The following CCNH variants were observed in gnomAD, a reference collection of about 807,000 sequenced individuals.
CCNH encodes the protein cyclin-H.
In CCNH, 31 loss-of-function variants were observed where a neutral mutation model predicts 41.9. The observed-to-expected ratio is 0.74, with a 90% CI of 0.56 to 1.00. The LOEUF (loss-of-function observed/expected upper bound fraction) is 1.00, where lower values mean the gene tolerates loss of function less well. Ranked by LOEUF, CCNH falls within the 50% of genes least tolerant of loss-of-function variation. The pLI, the probability that CCNH is intolerant of heterozygous loss-of-function variation, is 0.00. For missense variants in CCNH, 362 were observed against 388.4 expected (o/e 0.93, Z 0.57); for synonymous variants, 138 against 136.1 (o/e 1.01, Z -0.10).
intron 9 of CCNH, among the ~76,000 whole-genome samples, chr5:87,327,933 C>T (rs1185559121): frequency 6.6e-6 from 1 of 151,370 alleles, no homozygotes; most frequent in African/African-American, 2.4e-5. Flanking sequence ...TGGCACTGCA[C>T]CCCAACCTGG....
exon 1 of CCNH, chr5:87,376,369 T>C: frequency 6.2e-7 from 1 of 1,613,036 alleles, no homozygotes; most frequent in Non-Finnish European, 8.5e-7. Flanking sequence ...TTTTAAACAA[T>C]AATTGCTTGT....
chr5:87,374,979 C>T (rs1386241634), downstream of CCNH: 3 of 1,530,044 alleles, frequency 2.0e-6, no homozygotes, highest in Non-Finnish European at 2.6e-6. Context: ...TCAAAATTCA[C>T]AATGAAAGTC....
At chr5:87,375,782 A>AG (rs1761283007), downstream of CCNH, among the ~76,000 whole-genome samples, 1 of 152,174 alleles carries the variant, frequency 6.6e-6, no homozygotes, top group African/African-American at 2.4e-5. Context: ...ACTCAGGCTT[A>AG]GGGAAGGAAG....
At chr5:87,351,339 GA>G (rs1759260504) in intron 9 of CCNH, among the ~76,000 whole-genome samples, 1 of 151,740 alleles carries the variant, frequency 6.6e-6, no homozygotes, top group African/African-American at 2.4e-5. Flanking sequence ...TATTAGAAAA[GA>G]AAGTATGGTA....
chr5:87,329,875 A>T (rs754986000), intron 9 of CCNH, among the ~76,000 whole-genome samples: 2 of 152,184 alleles, frequency 1.3e-5, no homozygotes, highest in African/African-American at 4.8e-5. Context: ...TCGTTAAATT[A>T]TAGTTCCTTA....
rs11956368 is a variant in CCNH, at chr5:87,350,262, C to T, written c.*91-31365G>A. Among the ~76,000 whole-genome samples the T allele has an allele frequency of 7.5e-3, 1,139 of 151,904 alleles. 18 individuals are homozygous for T. The highest frequency in any genetic ancestry group is 0.027 in the African/African-American group (1,101 of 41,516). ...AGATGTGAGTCTAGGCAGCTGTACC[C>T]TTTTGCCTACCTCATATACAGGTTG... On this transcript the variant is annotated intron_variant and NMD_transcript_variant, in intron 9 of 9. Transcript: ENST00000645953.
At chr5:87,335,413 A>G (rs1204504960) in intron 9 of CCNH, among the ~76,000 whole-genome samples, 2 of 148,574 alleles carry the variant, frequency 1.3e-5, no homozygotes, top group African/African-American at 2.5e-5. Context: ...GATAATAAAG[A>G]ATGAGGTTTT....
the CCNH span, among the ~76,000 whole-genome samples, chr5:87,312,937 A>G: frequency 6.6e-6 from 1 of 152,370 alleles, no homozygotes; most frequent in East Asian, 1.9e-4. Context: ...GGAATGATCA[A>G]CTATGAGTAG....
chr5:87,318,004 C>T (rs868421242), downstream of CCNH, among the ~76,000 whole-genome samples: 1 of 152,144 alleles, frequency 6.6e-6, no homozygotes, highest in Middle Eastern at 3.4e-3. Context: ...AAATATCCCC[C>T]CTTTATAATA....
rs865846232 is a variant in CCNH, at chr5:87,336,459, T to C, written c.*91-17562A>G. ...GGATTTATGAGTCTTTTAAAAAGTTTATACACACCTGTGGATTTTAAAATA... is the reference window on the plus strand; with the variant it reads ...GGATTTATGAGTCTTTTAAAAAGTTCATACACACCTGTGGATTTTAAAATA... On this transcript the variant is annotated intron_variant and NMD_transcript_variant, in intron 9 of 9. Coordinates refer to the CCNH transcript ENST00000645953. Among the ~76,000 whole-genome samples, 6 of 152,254 alleles carry C rather than the reference T, an allele frequency of 3.9e-5. No individual in the cohort carries two copies. The South Asian group carries it at 1.0e-3, about 26-fold the overall frequency.
chr5:87,389,569 A>G (rs759622865), downstream of CCNH: 3 of 1,606,622 alleles, frequency 1.9e-6, no homozygotes, highest in East Asian at 2.2e-5. Context: ...TGTTTCAAAG[A>G]TAACACTTAG....
chr5:87,350,142 G>A (rs1163771142), intron 9 of CCNH, among the ~76,000 whole-genome samples: 2 of 151,786 alleles, frequency 1.3e-5, no homozygotes, highest in East Asian at 1.9e-4. Context: ...TAGAGATTCT[G>A]TAGCTTGTTT....
At chr5:87,322,002 T>C (rs1418963332) in intron 9 of CCNH, among the ~76,000 whole-genome samples, 2 of 152,154 alleles carry the variant, frequency 1.3e-5, no homozygotes, top group South Asian at 2.1e-4. Flanking sequence ...AAGGGTGATA[T>C]AGCTTGAATG....
chr5:87,394,342 ATATAT>A lies in CCNH; in HGVS notation c.*99_*103del. ...GAAAGAAAACAATAGAAAAGTTTTA[ATATAT>A]TTTATGTTTTCACATTATACTTTTT... On this transcript the variant is annotated 3_prime_UTR_variant, in exon 9 of 9. Coordinates refer to ENST00000256897, the MANE Select transcript of CCNH (RefSeq NM_001239.4). 1 of 1,452,516 alleles carries A rather than the reference ATATAT, an allele frequency of 6.9e-7. No homozygotes were observed. The highest frequency in any genetic ancestry group is 1.5e-5 in the South Asian group (1 of 66,408). The allele number at this position is 1,452,516 out of a possible 1,614,324, so 90.0% of individuals were successfully genotyped here. A position where few individuals can be genotyped will look rare whatever the true frequency, so the allele number is the denominator to read the frequency against.
chr5:87,399,363 T>C (rs1370089432), intron 7 of CCNH, 31 bp downstream of exon 7: 1 of 1,443,522 alleles, frequency 6.9e-7, no homozygotes, highest in Admixed American at 1.7e-5. Context: ...AACAGTTATG[T>C]CTATTGATTA....
intron 9 of CCNH, among the ~76,000 whole-genome samples, chr5:87,356,406 C>T (rs1045915435): frequency 7.3e-5 from 11 of 151,220 alleles, no homozygotes; most frequent in African/African-American, 2.2e-4. Flanking sequence ...TTTCTCCCTC[C>T]GGAGTCAGGG....
rs1760795598 is a variant in CCNH, at chr5:87,369,786, C to G, written c.*90+22984G>C. On this transcript the variant is annotated intron_variant and NMD_transcript_variant, in intron 9 of 9. Transcript: ENST00000645953. Reference sequence around the variant, plus strand: ...ATTTTGCTACTTTTTATTAAGCTTCCTAATAATTTTTGTTTTTATTTTAAA... The same window carrying G: ...ATTTTGCTACTTTTTATTAAGCTTCGTAATAATTTTTGTTTTTATTTTAAA... 3.3e-6 allele frequency: 5 copies of G among 1,530,838 alleles called. No individual in the cohort carries two copies. In the South Asian group the frequency reaches 4.5e-5, roughly 14 times the overall value. 94.8% of individuals were successfully genotyped at this position (1,530,838 alleles called of 1,614,324 possible). A position where few individuals can be genotyped will look rare whatever the true frequency, so the allele number is the denominator to read the frequency against.
At chr5:87,347,559 C>G (rs6894905) in intron 9 of CCNH, among the ~76,000 whole-genome samples, 1,807 of 151,996 alleles carry the variant, frequency 0.012, 29 homozygotes, top group African/African-American at 0.041. Flanking sequence ...GAAATAGATT[C>G]TTGTGGTGAT....
intron 9 of CCNH, among the ~76,000 whole-genome samples, chr5:87,339,749 A>G (rs1003956195): frequency 7.9e-5 from 12 of 152,298 alleles, no homozygotes; most frequent in African/African-American, 2.9e-4. Flanking sequence ...CTAAAAATGA[A>G]TATAGTAACA....
Sources: gnomAD v4.1 joint callset for allele counts (sites outside exome capture counted in the v4.1 genomes callset) on GRCh38, gnomAD v4.1.1 for gene constraint, MANE v1.5 for transcripts, NCBI Gene and HGNC (gene_info 2026-07-23, HGNC 2026-07-21) for gene names.